The following MYO16 variants were observed in gnomAD, a reference collection of about 807,000 sequenced individuals.
MYO16 encodes myosin XVI.
In MYO16, 94 loss-of-function variants were observed where a neutral mutation model predicts 205.3. The ratio of observed to expected loss-of-function variants is 0.46; its 90% CI spans 0.39 to 0.54. The LOEUF (loss-of-function observed/expected upper bound fraction) is 0.54. Ranked by LOEUF, MYO16 falls within the 20% of genes least tolerant of loss-of-function variation. The probability of loss-of-function intolerance (pLI) is 0.00; values close to 1 mark genes in which losing one functional copy is unlikely to be tolerated. For synonymous variants in MYO16, 988 were observed against 954.0 expected, an observed-to-expected ratio of 1.04 and a Z score of -0.66; for missense variants, 2,315 against 2,387.5, an observed-to-expected ratio of 0.97 and a Z score of 0.63.
the MYO16 span, among the ~76,000 whole-genome samples, chr13:108,509,476 G>A: frequency 6.6e-6 from 1 of 152,100 alleles, no homozygotes; most frequent in Non-Finnish European, 1.5e-5. Context: ...GTGTATACAT[G>A]TATGTGTACA....
At chr13:108,816,264 G>A (rs1483414579) in intron 7 of MYO16, among the ~76,000 whole-genome samples, 1 of 152,092 alleles carries the variant, frequency 6.6e-6, no homozygotes, top group Non-Finnish European at 1.5e-5. Context: ...ATAAATAAAA[G>A]TGTCTTTCTG....
At chr13:109,063,349 T>C (rs970913382) in intron 27 of MYO16, among the ~76,000 whole-genome samples, 1 of 152,186 alleles carries the variant, frequency 6.6e-6, no homozygotes, top group African/African-American at 2.4e-5. Context: ...ACTTAAGGAC[T>C]CTGTCTTCAA....
intron 1 of MYO16, among the ~76,000 whole-genome samples, chr13:108,642,836 C>T (rs755905039): frequency 1.1e-4 from 17 of 152,072 alleles, no homozygotes; most frequent in Non-Finnish European, 2.1e-4. Context: ...ACTAATCCTA[C>T]CCCCCCAAAT....
intron 34 of MYO16, 113 bp from the exon 35 acceptor site, chr13:109,206,496 T>C (rs952347349): frequency 1.3e-6 from 1 of 757,900 alleles, no homozygotes; most frequent in Non-Finnish European, 2.2e-6. Flanking sequence ...GGAAAGAGGC[T>C]GCCTCTTTCA....
chr13:108,670,054 A>G (rs1277636783), intron 2 of MYO16, among the ~76,000 whole-genome samples: 1 of 152,232 alleles, frequency 6.6e-6, no homozygotes, highest in Non-Finnish European at 1.5e-5. Context: ...ACAAACGTGC[A>G]CTTTCTGCAC....
chr13:108,750,977 G>C (rs899848469), intron 4 of MYO16, among the ~76,000 whole-genome samples: 1 of 152,122 alleles, frequency 6.6e-6, no homozygotes, highest in Non-Finnish European at 1.5e-5. Context: ...GACAATATCA[G>C]TATGAACTCA....
chr13:108,692,264 T>G (rs1882926907), intron 2 of MYO16, among the ~76,000 whole-genome samples: 2 of 152,266 alleles, frequency 1.3e-5, no homozygotes, highest in African/African-American at 2.4e-5. Flanking sequence ...TCCTTGATTT[T>G]TCATGAAACA....
the MYO16 span, among the ~76,000 whole-genome samples, chr13:108,551,023 T>C: frequency 0.32 from 49,324 of 152,102 alleles, 9,284 homozygotes; most frequent in Non-Finnish European, 0.41. Context: ...TTTGTTTTTA[T>C]GATACCGAAA....
intron 20 of MYO16, among the ~76,000 whole-genome samples, chr13:108,977,601 C>T (rs1166474887): frequency 6.6e-6 from 1 of 151,990 alleles, no homozygotes; most frequent in South Asian, 2.1e-4. Context: ...TTAAAAAAAA[C>T]CTTTAAATTT....
rs1253138423 is a variant in MYO16, at chr13:109,162,971, G to A, written c.5165-1930G>A. Among the ~76,000 whole-genome samples the A allele has an allele frequency of 6.6e-6, 1 of 152,172 alleles. No individual in the cohort carries two copies. The highest frequency in any genetic ancestry group is 2.4e-5 in the African/African-American group (1 of 41,442). ...TTAAGATCACCTGACTTTCACTTTT[G>A]TTGCCATTCTTGTACATGCTAACTT... On this transcript the variant is annotated intron_variant, in intron 32 of 34. Coordinates refer to ENST00000457511, the MANE Select transcript of MYO16 (RefSeq NM_001198950.3). The surrounding 1 kb of genome is among the most constrained non-coding windows in gnomAD (Gnocchi z 4.6).
intron 4 of MYO16, among the ~76,000 whole-genome samples, chr13:108,743,284 G>A (rs1566582319): frequency 6.6e-6 from 1 of 152,026 alleles, no homozygotes; most frequent in African/African-American, 2.4e-5. Context: ...GAAGTAATTT[G>A]ATACTTCCTG....
chr13:108,949,148 A>C (rs773409364), intron 16 of MYO16, among the ~76,000 whole-genome samples: 1 of 152,216 alleles, frequency 6.6e-6, no homozygotes, highest in Non-Finnish European at 1.5e-5. Flanking sequence ...CTGGTTTGCC[A>C]CTGTTTCTTC....
chr13:108,895,198 C>T (rs1212309841), intron 14 of MYO16, among the ~76,000 whole-genome samples: 6 of 146,802 alleles, frequency 4.1e-5, no homozygotes, highest in Non-Finnish European at 9.0e-5. Context: ...AAATACCATA[C>T]ATTATAAATA....
At chr13:108,887,332 T>G (rs1046740657) in intron 13 of MYO16, among the ~76,000 whole-genome samples, 1 of 152,234 alleles carries the variant, frequency 6.6e-6, no homozygotes, top group Non-Finnish European at 1.5e-5. Context: ...GCAAACACTG[T>G]TAATTAACTT....
In MYO16 at chr13:108,924,772, C is replaced by T. The variant is rs376520115; in HGVS notation, c.1925+14622C>T. ...GCATGGCATGGCGACTCACTCCTGACGTCACGTCTTCTGCTATCAGTCAGG... is the reference window on the plus strand; with the variant it reads ...GCATGGCATGGCGACTCACTCCTGATGTCACGTCTTCTGCTATCAGTCAGG... On this transcript the variant is annotated intron_variant, in intron 16 of 34. Coordinates refer to ENST00000457511, the MANE Select transcript of MYO16 (RefSeq NM_001198950.3). 8.5e-5 allele frequency among the ~76,000 whole-genome samples: 13 copies of T among 152,288 alleles called. 1 individual carries two copies. The highest frequency in any genetic ancestry group is 2.0e-4 in the Admixed American group (3 of 15,296).
intron 27 of MYO16, among the ~76,000 whole-genome samples, chr13:109,059,584 T>C (rs756279948): frequency 9.2e-5 from 14 of 152,196 alleles, no homozygotes; most frequent in Non-Finnish European, 1.9e-4. Context: ...TCTGTTCATA[T>C]GATTCACCCA....
chr13:109,077,329 A>AT (rs1888140303), intron 27 of MYO16, among the ~76,000 whole-genome samples: 1 of 152,100 alleles, frequency 6.6e-6, no homozygotes, highest in Non-Finnish European at 1.5e-5. Flanking sequence ...CTGTATAGAC[A>AT]TTTTTAGAGC....
chr13:108,871,099 T>C (rs1879031067), intron 12 of MYO16, among the ~76,000 whole-genome samples: 1 of 152,186 alleles, frequency 6.6e-6, no homozygotes, highest in Non-Finnish European at 1.5e-5. Flanking sequence ...TTTTAAATTC[T>C]CTTTTCTGCT....
the MYO16 span, among the ~76,000 whole-genome samples, chr13:108,562,745 T>G: frequency 6.6e-6 from 1 of 152,198 alleles, no homozygotes. Context: ...TGTGTTACAG[T>G]TGCCTAAAGT....
Sources: gnomAD v4.1 joint callset for allele counts (sites outside exome capture counted in the v4.1 genomes callset) on GRCh38, gnomAD v4.1.1 for gene constraint, Gnocchi (gnomAD v3.1) non-coding constraint, MANE v1.5 for transcripts, NCBI Gene and HGNC (gene_info 2026-07-23, HGNC 2026-07-21) for gene names.